ANGPT4: variants seen among roughly 807,000 people sequenced by gnomAD.
ANGPT4 encodes angiopoietin 4.
ANGPT4 carries 50 observed loss-of-function variants against 53.0 expected under a neutral mutation model. The observed-to-expected ratio is 0.94, with a 90% CI of 0.75 to 1.20. ANGPT4 has a LOEUF of 1.20. Ranked by LOEUF, ANGPT4 falls within the 50% of genes most tolerant of loss-of-function variation. ANGPT4 has a pLI of 0.00. For missense variants in ANGPT4, 648 were observed against 637.1 expected, an observed-to-expected ratio of 1.02 and a Z score of -0.18; for synonymous variants, 251 against 259.7, an observed-to-expected ratio of 0.97 and a Z score of 0.32.
At chr20:884,117 C>G (rs1249464111) in intron 4 of ANGPT4, among the ~76,000 whole-genome samples, 1 of 152,208 alleles carries the variant, frequency 6.6e-6, no homozygotes, top group Non-Finnish European at 1.5e-5. Flanking sequence ...ATCAGGACAT[C>G]TCCACTCATG....
chr20:880,871 A>G (rs904372204), intron 5 of ANGPT4, among the ~76,000 whole-genome samples: 1 of 152,174 alleles, frequency 6.6e-6, no homozygotes, highest in African/African-American at 2.4e-5. Flanking sequence ...AGGCCCTGGA[A>G]TTTTGGGGGT....
In ANGPT4 at chr20:890,356, T is replaced by C; in HGVS notation, c.322A>G (p.Ile108Val). 1 of 1,574,846 alleles carries C rather than the reference T, an allele frequency of 6.3e-7. No individual in the cohort carries two copies. The highest frequency in any genetic ancestry group is 1.4e-5 in the African/African-American group (1 of 73,590). The change falls in exon 2 of 9, where the codon ATC becomes GTC. Residue 108 changes from isoleucine (I) to valine (V), a missense_variant. Coordinates refer to ENST00000381922, the MANE Select transcript of ANGPT4 (RefSeq NM_015985.4). ...AGCTTCGACCTCAAGATCGTCTTGA[T>C]GGCCCTCTCTAGCTGTGGGAGACCA... ...TQWLKKLERA[I>V]KTILRSKLEQ...
At chr20:895,915 A>G (rs1295674744) in intron 1 of ANGPT4, among the ~76,000 whole-genome samples, 1 of 152,168 alleles carries the variant, frequency 6.6e-6, no homozygotes, top group Non-Finnish European at 1.5e-5. Flanking sequence ...ATTGATTGTT[A>G]AAGGACACAG....
chr20:888,536 C>A, intron 2 of ANGPT4, 97 bp from the exon 3 acceptor site: 12 of 1,509,224 alleles, frequency 8.0e-6, no homozygotes, highest in South Asian at 1.3e-5. Context: ...ACTCCAGAAA[C>A]TTACCCATTT....
At chr20:893,954 C>T (rs914010887) in intron 1 of ANGPT4, among the ~76,000 whole-genome samples, 2 of 151,986 alleles carry the variant, frequency 1.3e-5, no homozygotes, top group African/African-American at 2.4e-5. Context: ...CTGTCTTTAA[C>T]CCCTCTGTCA....
chr20:879,287 A>T (rs1981295665), intron 6 of ANGPT4, among the ~76,000 whole-genome samples: 1 of 152,166 alleles, frequency 6.6e-6, no homozygotes, highest in African/African-American at 2.4e-5. Flanking sequence ...AAACCTAATT[A>T]AAAAATTGGA....
chr20:904,022 C>G (rs891291414), intron 1 of ANGPT4, among the ~76,000 whole-genome samples: 1 of 152,126 alleles, frequency 6.6e-6, no homozygotes, highest in Non-Finnish European at 1.5e-5. Context: ...CTGGTGCAGA[C>G]GTATGAAAAT....
rs761948894 is a variant in ANGPT4, at chr20:890,316, T to C, written c.362A>G (p.Gln121Arg). The change falls in exon 2 of 9, where the codon CAG becomes CGG. Residue 121 changes from glutamine (Q) to arginine (R), a missense_variant. Coordinates refer to ENST00000381922, the MANE Select transcript of ANGPT4 (RefSeq NM_015985.4). ...ILRSKLEQVQ[Q>R]QMAQNQTAPM... ...GGCCGTCTGATTCTGGGCCATTTGC[T>C]GCTGGACCTGCTCCAGCTTCGACCT... The C allele has an allele frequency of 3.1e-6, 5 of 1,613,052 alleles. No individual in the cohort carries two copies. Among genetic ancestry groups the C allele is most frequent in the Non-Finnish European group, 4.2e-6 (5 of 1,179,632 alleles).
intron 1 of ANGPT4, among the ~76,000 whole-genome samples, chr20:900,412 C>A (rs114373409): frequency 0.019 from 2,844 of 152,268 alleles, 83 homozygotes; most frequent in African/African-American, 0.063. Flanking sequence ...TTTAGTACTC[C>A]TTCTCATCTT....
At chr20:874,197 G>C in intron 8 of ANGPT4, 87 bp downstream of exon 8, 3 of 1,569,956 alleles carry the variant, frequency 1.9e-6, no homozygotes, top group Non-Finnish European at 2.6e-6. Flanking sequence ...GACAGCACCT[G>C]GGCGCACAAG....
intron 6 of ANGPT4, 113 bp downstream of exon 6, chr20:879,634 T>A (rs1981312092): frequency 2.8e-6 from 2 of 724,140 alleles, no homozygotes; most frequent in African/African-American, 1.8e-5. Context: ...CAGCTTTAGA[T>A]GAGTTGATTT....
chr20:885,454 C>G, intron 3 of ANGPT4, 129 bp from the exon 4 acceptor site: 1 of 1,321,954 alleles, frequency 7.6e-7, no homozygotes. Flanking sequence ...CGTCCTGTGC[C>G]CACTGTAGGC....
At chr20:893,868 G>T (rs1455639273) in intron 1 of ANGPT4, among the ~76,000 whole-genome samples, 1 of 152,122 alleles carries the variant, frequency 6.6e-6, no homozygotes, top group Non-Finnish European at 1.5e-5. Context: ...ATCCCAATTT[G>T]GATTTCAAAT....
Position 908,777 on chromosome 20 carries a change from G to T in ANGPT4, c.309+7129C>A, listed in dbSNP as rs564038234. Among the ~76,000 whole-genome samples, 1 of 145,706 alleles carries T rather than the reference G, an allele frequency of 6.9e-6. No individual in the cohort carries two copies. Among genetic ancestry groups the T allele is most frequent in the South Asian group, 2.3e-4 (1 of 4,268 alleles). On this transcript the variant is annotated intron_variant, in intron 1 of 8. Coordinates refer to ENST00000381922, the MANE Select transcript of ANGPT4 (RefSeq NM_015985.4). This position sits in a 1 kb window ranked among gnomAD's most constrained non-coding sequence, Gnocchi z 4.9. ...TGTGTATACACATTTGTGTTTGTGT[G>T]TGGTGGGGGGCAGGAGTCGGGGGTT...
At chr20:915,080 A>G (rs1012483062) in intron 1 of ANGPT4, among the ~76,000 whole-genome samples, 1 of 152,150 alleles carries the variant, frequency 6.6e-6, no homozygotes, top group African/African-American at 2.4e-5. Flanking sequence ...TGATGGCTGC[A>G]GCGGCCACCT....
intron 1 of ANGPT4, 37 bp from the exon 2 acceptor site, chr20:890,405 G>A: frequency 1.3e-6 from 2 of 1,568,824 alleles, no homozygotes; most frequent in East Asian, 2.3e-5. Context: ...CGGGGGAGGG[G>A]CGGGGGAAGC....
At chr20:892,287 C>T (rs531252001) in intron 1 of ANGPT4, among the ~76,000 whole-genome samples, 19 of 152,186 alleles carry the variant, frequency 1.2e-4, no homozygotes, top group Non-Finnish European at 2.2e-4. Context: ...AATGATGTTA[C>T]GTTTCACACA....
At chr20:897,101 T>C in intron 1 of ANGPT4, among the ~76,000 whole-genome samples, 1 of 152,126 alleles carries the variant, frequency 6.6e-6, no homozygotes, top group East Asian at 1.9e-4. Flanking sequence ...AATTTTCCAC[T>C]ACCTACCCAA....
intron 1 of ANGPT4, among the ~76,000 whole-genome samples, chr20:906,488 T>C (rs1982484180): frequency 6.6e-6 from 1 of 152,270 alleles, no homozygotes; most frequent in Non-Finnish European, 1.5e-5. Flanking sequence ...ATGTTTGTTG[T>C]TATTTTAAGC....
Sources: allele counts gnomAD v4.1 joint callset (sites outside exome capture counted in the v4.1 genomes callset), GRCh38; gene constraint gnomAD v4.1.1; non-coding constraint Gnocchi (gnomAD v3.1); transcripts MANE v1.5; gene names NCBI Gene and HGNC (gene_info 2026-07-23, HGNC 2026-07-21).